The following NPAS3 variants were observed in gnomAD, a reference collection of about 807,000 sequenced individuals.
NPAS3 encodes the protein neuronal PAS domain protein 3, also known as neuronal PAS domain-containing protein 3.
In NPAS3, 14 loss-of-function variants were observed where a neutral mutation model predicts 73.1. The observed-to-expected ratio is 0.19, with a 90% CI of 0.13 to 0.30. NPAS3 has a LOEUF of 0.30. Among genes scored for constraint, NPAS3 ranks in the 10% least tolerant of loss-of-function variants. The probability of loss-of-function intolerance (pLI) is 1.00; values close to 1 mark genes in which losing one functional copy is unlikely to be tolerated. For synonymous variants in NPAS3, 620 were observed against 541.5 expected (o/e 1.14, Z -2.01); for missense variants, 1,096 against 1,250.0 (o/e 0.88, Z 1.86).
At chr14:33,432,465 C>T (rs575668407) in intron 4 of NPAS3, among the ~76,000 whole-genome samples, 1 of 152,238 alleles carries the variant, frequency 6.6e-6, no homozygotes, top group South Asian at 2.1e-4. Flanking sequence ...ATTACAATCT[C>T]TAGGAAAATG....
intron 7 of NPAS3, among the ~76,000 whole-genome samples, chr14:33,747,242 G>A (rs1013444426): frequency 7.4e-4 from 113 of 152,190 alleles, no homozygotes; most frequent in African/African-American, 2.6e-3. Context: ...TAGACACCAC[G>A]GAATACTAGG....
At position 33,631,265 on chromosome 14, in the gene NPAS3, G is replaced by A. The variant is rs117233921; in HGVS notation, c.559-44946G>A. Among the ~76,000 whole-genome samples, 1,439 of 152,240 alleles carry A rather than the reference G, an allele frequency of 9.5e-3. 48 individuals carry two copies. In the East Asian group the frequency reaches 0.13, roughly 13 times the overall value. ...TCATTGTAGTGGAGCCCACATTTAC[G>A]TAATGTGTAGTCTAAAATACCTTTG... On this transcript the variant is annotated intron_variant, in intron 5 of 11. Coordinates refer to ENST00000356141, the Ensembl canonical transcript of NPAS3.
intron 4 of NPAS3, among the ~76,000 whole-genome samples, chr14:33,381,757 C>T (rs1006172782): frequency 2.6e-5 from 4 of 152,132 alleles, no homozygotes; most frequent in Admixed American, 6.6e-5. Context: ...AGAGGACATG[C>T]GCTTTTGTTT....
chr14:33,613,995 C>G (rs2057836243), intron 5 of NPAS3, among the ~76,000 whole-genome samples: 1 of 152,192 alleles, frequency 6.6e-6, no homozygotes. Context: ...ATAGTCATCA[C>G]CTAGTAGGCT....
chr14:33,649,162 A>G (rs2140222699), intron 5 of NPAS3, among the ~76,000 whole-genome samples: 1 of 152,322 alleles, frequency 6.6e-6, no homozygotes, highest in South Asian at 2.1e-4. Context: ...CAATCCCAGT[A>G]TACAAAACTT....
Position 33,517,407 on chromosome 14 carries a change from G to C in NPAS3, c.469-42714G>C, listed in dbSNP as rs114274099. 9.2e-3 allele frequency among the ~76,000 whole-genome samples: 1,407 copies of C among 152,160 alleles called. 20 individuals are homozygous for C. Among genetic ancestry groups the C allele is most frequent in the African/African-American group, 0.032 (1,329 of 41,534 alleles). On this transcript the variant is annotated intron_variant, in intron 4 of 11. Transcript: ENST00000356141. ...AGTTTACAACATGGCTTTCATTTGA[G>C]TTATGTCATTAGATCTTTGCAACAT...
chr14:33,524,561 A>G (rs150472122), intron 4 of NPAS3, among the ~76,000 whole-genome samples: 148 of 152,340 alleles, frequency 9.7e-4, no homozygotes, highest in Non-Finnish European at 1.9e-3. Flanking sequence ...TTATGGTTGT[A>G]TCTTTGCTAG....
rs73266801 is a variant in NPAS3 at position 33,073,700 on chromosome 14, G to A, written c.140+17706G>A. ...TTGACTAGAAAGGGTTTAGGCATAC[G>A]GAGTCTTGAAGAAGAAAAGAGGAAT... On this transcript the variant is annotated intron_variant, in intron 2 of 11. Coordinates refer to ENST00000356141, the Ensembl canonical transcript of NPAS3. Among the ~76,000 whole-genome samples, 906 of 152,274 alleles carry A rather than the reference G, an allele frequency of 5.9e-3. 10 individuals carry two copies. The highest frequency in any genetic ancestry group is 0.021 in the African/African-American group (861 of 41,540).
chr14:32,975,388 A>T (rs111502061), intron 1 of NPAS3, among the ~76,000 whole-genome samples: 5 of 144,656 alleles, frequency 3.5e-5, no homozygotes, highest in African/African-American at 1.3e-4. Context: ...TGGCACCATT[A>T]TAGCTCACTG....
chr14:33,212,933 T>C (rs1462683439), intron 2 of NPAS3, among the ~76,000 whole-genome samples: 1 of 152,232 alleles, frequency 6.6e-6, no homozygotes, highest in Non-Finnish European at 1.5e-5. Flanking sequence ...CCCTGATCCA[T>C]GTTTGACTAT....
intron 3 of NPAS3, among the ~76,000 whole-genome samples, chr14:33,233,810 T>C (rs1242312241): frequency 6.6e-6 from 1 of 152,132 alleles, no homozygotes; most frequent in African/African-American, 2.4e-5. Context: ...TCTATCCTGA[T>C]AAAGAGTTGT....
intron 4 of NPAS3, among the ~76,000 whole-genome samples, chr14:33,437,238 C>A (rs2049028015): frequency 6.6e-6 from 1 of 152,188 alleles, no homozygotes; most frequent in South Asian, 2.1e-4. Context: ...ATTAGTTGAT[C>A]TCATCAGCAG....
chr14:33,638,890 A>G (rs888579335), intron 5 of NPAS3, among the ~76,000 whole-genome samples: 1 of 152,216 alleles, frequency 6.6e-6, no homozygotes, highest in African/African-American at 2.4e-5. Context: ...AGGGAATACA[A>G]TGACTTCTAG....
intron 2 of NPAS3, among the ~76,000 whole-genome samples, chr14:33,112,913 T>C (rs1394825375): frequency 3.3e-5 from 5 of 152,222 alleles, no homozygotes. Context: ...GCACCATTTA[T>C]TAAATAGGGA....
intron 4 of NPAS3, among the ~76,000 whole-genome samples, chr14:33,475,487 T>C (rs1382955732): frequency 6.6e-6 from 1 of 151,588 alleles, no homozygotes; most frequent in African/African-American, 2.4e-5. Flanking sequence ...GATGCCACAG[T>C]CTTGCCTACT....
chr14:33,691,978 G>A (rs1375209473), intron 6 of NPAS3, among the ~76,000 whole-genome samples: 1 of 152,174 alleles, frequency 6.6e-6, no homozygotes, highest in Admixed American at 6.5e-5. Flanking sequence ...TTTGGAGTGG[G>A]GGTGCTCTTG....
chr14:33,613,698 C>T (rs1021385745), intron 5 of NPAS3, among the ~76,000 whole-genome samples: 25 of 152,294 alleles, frequency 1.6e-4, no homozygotes, highest in African/African-American at 5.1e-4. Context: ...GCACCCTCCT[C>T]CCTGAAGCGT....
intron 4 of NPAS3, among the ~76,000 whole-genome samples, chr14:33,481,268 G>A (rs2051313122): frequency 6.6e-6 from 1 of 152,160 alleles, no homozygotes; most frequent in South Asian, 2.1e-4. Context: ...ACTTGTCTCT[G>A]TTCATTGCAA....
chr14:33,546,803 C>G (rs1449029154), intron 4 of NPAS3, among the ~76,000 whole-genome samples: 2 of 152,158 alleles, frequency 1.3e-5, no homozygotes, highest in East Asian at 3.9e-4. Context: ...TTGCATTATA[C>G]AGTATTGAGA....
Sources: gnomAD v4.1 joint callset for allele counts (sites outside exome capture counted in the v4.1 genomes callset) on GRCh38, gnomAD v4.1.1 for gene constraint, MANE v1.5 for transcripts, NCBI Gene and HGNC (gene_info 2026-07-23, HGNC 2026-07-21) for gene names.